Variants in KCNQ1 observed in about 807,000 individuals in gnomAD.
The protein encoded by KCNQ1 is potassium voltage-gated channel subfamily Q member 1, also known as potassium voltage-gated channel subfamily KQT member 1.
Under a neutral mutation model 72.4 loss-of-function variants are expected in KCNQ1, and 49 were observed. The ratio of observed to expected loss-of-function variants is 0.68; its 90% CI spans 0.54 to 0.86. The LOEUF (loss-of-function observed/expected upper bound fraction) is 0.86, where lower values mean the gene tolerates loss of function less well. Ranked by LOEUF, KCNQ1 falls within the 40% of genes least tolerant of loss-of-function variation. The pLI is 0.00. For missense variants in KCNQ1, 790 were observed against 945.1 expected, an observed-to-expected ratio of 0.84 and a Z score of 2.15; for synonymous variants, 450 against 412.6, an observed-to-expected ratio of 1.09 and a Z score of -1.10.
Position 2,816,001 on chromosome 11 carries a change from G to T in KCNQ1, c.1795-31766G>T, listed in dbSNP as rs998632279. 6.6e-6 allele frequency among the ~76,000 whole-genome samples: 1 copy of T among 152,248 alleles called. No individual in the cohort carries two copies. The highest frequency in any genetic ancestry group is 1.5e-5 in the Non-Finnish European group (1 of 68,046). The stretch of plus-strand genomic sequence containing the variant: ...TTGCAGGCGGGCAGGGCTCTGGGGA[G>T]TCCAAGTGTGCACACAGTCCTGGGT... On this transcript the variant is annotated intron_variant, in intron 15 of 15. Transcript: ENST00000155840. This position sits in a 1 kb window ranked among gnomAD's most constrained non-coding sequence, Gnocchi z 6.8.
chr11:2,574,871 A>C (rs989561732), intron 6 of KCNQ1, among the ~76,000 whole-genome samples: 3 of 152,228 alleles, frequency 2.0e-5, no homozygotes, highest in Non-Finnish European at 2.9e-5. Flanking sequence ...GTGTCCCCGA[A>C]GGCCCCAGTG....
At position 2,677,515 on chromosome 11, in the gene KCNQ1, C is replaced by T; in HGVS notation, c.1514+15434C>T. The T allele has an allele frequency of 2.5e-6, 1 of 398,530 alleles. No homozygotes were observed. The allele number at this position is 398,530 out of a possible 1,614,324, so 24.7% of individuals were successfully genotyped here. A position where few individuals can be genotyped will look rare whatever the true frequency, so the allele number is the denominator to read the frequency against. On this transcript the variant is annotated intron_variant, in intron 11 of 15. Transcript: ENST00000155840. The surrounding 1 kb of genome is among the most constrained non-coding windows in gnomAD (Gnocchi z 4.5). The stretch of plus-strand genomic sequence containing the variant: ...AAAAATGATCCTCTCTGTGGAAGTG[C>T]TGCCAACATCCTCTGCCAAGTATAA...
In KCNQ1 at chr11:2,478,136, A is replaced by G. The variant is rs1397978814; in HGVS notation, c.386+32652A>G. Among the ~76,000 whole-genome samples, 3 of 148,936 alleles carry G rather than the reference A, an allele frequency of 2.0e-5. No individual in the cohort carries two copies. The highest frequency in any genetic ancestry group is 4.4e-5 in the Non-Finnish European group (3 of 67,560). ...CGGTAGCAGAACTCCTGCCAAAGAC[A>G]CAGCTGTCCAGGGTCGAATCATCCG... On this transcript the variant is annotated intron_variant, in intron 1 of 15. Transcript: ENST00000155840. The surrounding 1 kb of genome is among the most constrained non-coding windows in gnomAD (Gnocchi z 4.0).
Position 2,483,960 on chromosome 11 carries a change from A to G in KCNQ1, c.386+38476A>G, listed in dbSNP as rs920429398. ...CCCATCAGCTGGTTTTGCTTGTGAC[A>G]GGCAAAGTCTGTGGTGCTTGCCAAA... is the stretch of plus-strand genomic sequence containing the variant. On this transcript the variant is annotated intron_variant, in intron 1 of 15. Transcript: ENST00000155840. This position sits in a 1 kb window ranked among gnomAD's most constrained non-coding sequence, Gnocchi z 6.1. 2.6e-5 allele frequency among the ~76,000 whole-genome samples: 4 copies of G among 152,194 alleles called. No individual in the cohort carries two copies. Among genetic ancestry groups the G allele is most frequent in the Non-Finnish European group, 4.4e-5 (3 of 68,030 alleles).
rs868204579 is a variant in KCNQ1, at chr11:2,617,110, T to C, written c.1393+28256T>C. ...GTGAGAAAAGCTATGATCTACTCAATTGGCAAAAATTCCAAATGCAATATA... is the reference window on the plus strand; with the variant it reads ...GTGAGAAAAGCTATGATCTACTCAACTGGCAAAAATTCCAAATGCAATATA... On this transcript the variant is annotated intron_variant, in intron 10 of 15. Transcript: ENST00000155840. This position sits in a 1 kb window ranked among gnomAD's most constrained non-coding sequence, Gnocchi z 4.6. The C allele has an allele frequency of 2.5e-5, 10 of 398,192 alleles. No individual in the cohort carries two copies. In the South Asian group the frequency reaches 5.1e-4, roughly 20 times the overall value. 24.7% of individuals were successfully genotyped at this position (398,192 alleles called of 1,614,324 possible). A position where few individuals can be genotyped will look rare whatever the true frequency, so the allele number is the denominator to read the frequency against.
Position 2,621,940 on chromosome 11 carries a change from A to G in KCNQ1, c.1393+33086A>G, listed in dbSNP as rs1429084917. On this transcript the variant is annotated intron_variant, in intron 10 of 15. Transcript: ENST00000155840. This position sits in a 1 kb window ranked among gnomAD's most constrained non-coding sequence, Gnocchi z 5.7. Reference sequence around the variant, plus strand: ...GCTTTAGTTTGTTCTTCTTTTTCTAATTCCTTGAGGTACAATTTTGGGCTA... The same window carrying G: ...GCTTTAGTTTGTTCTTCTTTTTCTAGTTCCTTGAGGTACAATTTTGGGCTA... The G allele has an allele frequency of 2.5e-6, 1 of 397,764 alleles. No homozygotes were observed. Among genetic ancestry groups the G allele is most frequent in the Non-Finnish European group, 4.4e-6 (1 of 225,830 alleles). The allele number at this position is 397,764 out of a possible 1,614,324, so 24.6% of individuals were successfully genotyped here. A position where few individuals can be genotyped will look rare whatever the true frequency, so the allele number is the denominator to read the frequency against.
intron 15 of KCNQ1, among the ~76,000 whole-genome samples, chr11:2,810,291 G>A (rs772521417): frequency 2.0e-5 from 3 of 152,134 alleles, no homozygotes; most frequent in Non-Finnish European, 4.4e-5. Flanking sequence ...CTGGGCACTT[G>A]GTGGGCTCTT....
chr11:2,560,872 T>G (rs1848153898), intron 2 of KCNQ1, among the ~76,000 whole-genome samples: 1 of 151,672 alleles, frequency 6.6e-6, no homozygotes, highest in South Asian at 2.1e-4. Context: ...CAGCAGTGGA[T>G]GGGGGAGGGC....
rs1846958307 is a variant in KCNQ1, at chr11:2,498,565, C to T, written c.387-29363C>T. On this transcript the variant is annotated intron_variant, in intron 1 of 15. Transcript: ENST00000155840. The surrounding 1 kb of genome is among the most constrained non-coding windows in gnomAD (Gnocchi z 4.8). ...AAGCTTGAGCATCCCAGGTCAACTTCAGACTGCTGTGCTGGCAGTGAGAAT... is the reference window on the plus strand; with the variant it reads ...AAGCTTGAGCATCCCAGGTCAACTTTAGACTGCTGTGCTGGCAGTGAGAAT... Among the ~76,000 whole-genome samples the T allele has an allele frequency of 6.6e-6, 1 of 152,228 alleles. No individual in the cohort carries two copies. The highest frequency in any genetic ancestry group is 2.1e-4 in the South Asian group (1 of 4,834).
Position 2,752,654 on chromosome 11 carries a change from A to G in KCNQ1, c.1515-16190A>G, listed in dbSNP as rs546733880. Reference sequence around the variant, plus strand: ...ACAAGCTCCCTCAGGCCTCCTTTCCAAGGGCACGCATCCTCTTCCTGAAGG... The same window carrying G: ...ACAAGCTCCCTCAGGCCTCCTTTCCGAGGGCACGCATCCTCTTCCTGAAGG... On this transcript the variant is annotated intron_variant, in intron 11 of 15. Coordinates refer to ENST00000155840, the MANE Select transcript of KCNQ1 (RefSeq NM_000218.3). The surrounding 1 kb of genome is among the most constrained non-coding windows in gnomAD (Gnocchi z 5.2). Among the ~76,000 whole-genome samples, 2 of 152,174 alleles carry G rather than the reference A, an allele frequency of 1.3e-5. No homozygotes were observed. The highest frequency in any genetic ancestry group is 4.8e-5 in the African/African-American group (2 of 41,510).
At position 2,486,346 on chromosome 11, in the gene KCNQ1, G is replaced by A. The variant is rs189178750; in HGVS notation, c.386+40862G>A. ...TTTGCCCACTTCATTAAATTGAGAGGTTTGTTTTTGCTGTTGAGTTTTAGA... is the reference window on the plus strand; with the variant it reads ...TTTGCCCACTTCATTAAATTGAGAGATTTGTTTTTGCTGTTGAGTTTTAGA... On this transcript the variant is annotated intron_variant, in intron 1 of 15. Transcript: ENST00000155840. The surrounding 1 kb of genome is among the most constrained non-coding windows in gnomAD (Gnocchi z 5.0). Among the ~76,000 whole-genome samples the A allele has an allele frequency of 2.0e-5, 3 of 152,156 alleles. No homozygotes were observed. The highest frequency in any genetic ancestry group is 4.8e-5 in the African/African-American group (2 of 41,506).
chr11:2,585,275 C>T lies in KCNQ1; in HGVS notation c.1096C>T (p.Arg366Trp), dbSNP rs199473411. ...GAAGCAGAGGCAGAAGCACTTCAAC[C>T]GGCAGATCCCGGCGGCAGCCTCACT... ...QQKQRQKHFN[R>W]QIPAAASLIQ... The change falls in exon 8 of 16, where the codon CGG becomes TGG. Residue 366 changes from arginine to tryptophan, a missense_variant. Physicochemically the swap from Arg to Trp is moderately radical, Grantham distance 101. Coordinates refer to ENST00000155840, the MANE Select transcript of KCNQ1 (RefSeq NM_000218.3). 6.2e-7 allele frequency: 1 copy of T among 1,614,010 alleles called. No homozygotes were observed. Among genetic ancestry groups the T allele is most frequent in the Non-Finnish European group, 8.5e-7 (1 of 1,180,002 alleles).
Position 2,683,177 on chromosome 11 carries a change from A to G in KCNQ1, c.1514+21096A>G. On this transcript the variant is annotated intron_variant, in intron 11 of 15. Transcript: ENST00000155840. The surrounding 1 kb of genome is among the most constrained non-coding windows in gnomAD (Gnocchi z 4.7). ...AGGAATGGGTATTAGCATCTGCATT[A>G]AAAGGCTCCCACTGACAGCTCATGC... 2.5e-6 allele frequency: 1 copy of G among 398,686 alleles called. No individual in the cohort carries two copies. The highest frequency in any genetic ancestry group is 4.4e-6 in the Non-Finnish European group (1 of 226,092). 24.7% of individuals were successfully genotyped at this position (398,686 alleles called of 1,614,324 possible).
chr11:2,632,837 G>C, intron 10 of KCNQ1: 1 of 398,388 alleles, frequency 2.5e-6, no homozygotes, highest in Non-Finnish European at 4.4e-6. Flanking sequence ...GATTTAAGTT[G>C]ATTCCATATC....
Position 2,804,637 on chromosome 11 carries a change from A to AAGGCAAAAGCTAACGAGTGGGGTTGC in KCNQ1, c.1794+26602_1794+26627dup, listed in dbSNP as rs550302252. On this transcript the variant is annotated intron_variant, in intron 15 of 15. Transcript: ENST00000155840. Reference sequence around the variant, plus strand: ...GAGGTGAAAATAGCTGATATTTCTAAAGGCAAAAGCTAACGAGTGGGGTTG... The same window carrying AAGGCAAAAGCTAACGAGTGGGGTTGC: ...GAGGTGAAAATAGCTGATATTTCTAAAGGCAAAAGCTAACGAGTGGGGTTGCAGGCAAAAGCTAACGAGTGGGGTTG... 6.6e-3 allele frequency among the ~76,000 whole-genome samples: 1,009 copies of AAGGCAAAAGCTAACGAGTGGGGTTGC among 152,316 alleles called. 12 individuals carry two copies. Among genetic ancestry groups the AAGGCAAAAGCTAACGAGTGGGGTTGC allele is most frequent in the African/African-American group, 0.023 (968 of 41,552 alleles).
At chr11:2,751,233 C>T (rs1846220265) in intron 11 of KCNQ1, among the ~76,000 whole-genome samples, 1 of 152,232 alleles carries the variant, frequency 6.6e-6, no homozygotes, top group African/African-American at 2.4e-5. Flanking sequence ...TCCTCATCCA[C>T]ACCTTTCTTT....
At chr11:2,625,087 GGT>G (rs2133808895) in intron 10 of KCNQ1, 1 of 398,374 alleles carries the variant, frequency 2.5e-6, no homozygotes, top group African/African-American at 2.1e-5. Flanking sequence ...AATCCTTCTG[GGT>G]GTATACACAG....
chr11:2,510,014 CA>C (rs1332301575), intron 1 of KCNQ1, among the ~76,000 whole-genome samples: 1 of 152,054 alleles, frequency 6.6e-6, no homozygotes, highest in Non-Finnish European at 1.5e-5. Context: ...TCAGGCCTGT[CA>C]ATCCAGTACA....
At chr11:2,786,837 T>C (rs1846923587) in intron 15 of KCNQ1, among the ~76,000 whole-genome samples, 1 of 152,178 alleles carries the variant, frequency 6.6e-6, no homozygotes, top group Non-Finnish European at 1.5e-5. Context: ...TAAATATGGC[T>C]ATTCTATATT....
Sources: allele counts gnomAD v4.1 joint callset (sites outside exome capture counted in the v4.1 genomes callset), GRCh38; gene constraint gnomAD v4.1.1; non-coding constraint Gnocchi (gnomAD v3.1); transcripts MANE v1.5; gene names NCBI Gene and HGNC (gene_info 2026-07-23, HGNC 2026-07-21).